Variants in LRPAP1 observed in about 807,000 individuals in gnomAD.
LRPAP1 encodes LDL receptor related protein associated protein 1.
A neutral mutation model predicts 39.9 loss-of-function variants in LRPAP1; 41 were observed. The ratio of observed to expected loss-of-function variants is 1.03; its 90% CI spans 0.80 to 1.33. LRPAP1 has a LOEUF of 1.33. Ranked by LOEUF, LRPAP1 falls within the 40% of genes most tolerant of loss-of-function variation. The pLI is 0.00. For missense variants in LRPAP1, 565 were observed against 482.3 expected, an observed-to-expected ratio of 1.17 and a Z score of -1.61; for synonymous variants, 263 against 212.7, an observed-to-expected ratio of 1.24 and a Z score of -2.06.
chr4:3,514,930 T>C lies in LRPAP1; in HGVS notation c.835-2A>G, dbSNP rs112570687. On this transcript the variant is annotated splice_acceptor_variant, in intron 6 of 7. Transcript: ENST00000650182. LOFTEE classifies it high-confidence loss of function. ...GGCTTCGAAGTGCTTGAGCTCCTCC[T>C]GGAACAAGGTTTCCATAGGTGAGTG... 1 of 1,613,368 alleles carries C rather than the reference T, an allele frequency of 6.2e-7. No individual in the cohort carries two copies. Among genetic ancestry groups the C allele is most frequent in the Non-Finnish European group, 8.5e-7 (1 of 1,179,652 alleles).
At chr4:3,527,395 C>A (rs528187324) in intron 1 of LRPAP1, among the ~76,000 whole-genome samples, 6 of 152,346 alleles carry the variant, frequency 3.9e-5, no homozygotes, top group African/African-American at 9.6e-5. Context: ...CTGAGTGACG[C>A]TGAACTCTCA....
intron 2 of LRPAP1, 66 bp from the exon 3 acceptor site, chr4:3,520,259 C>G: frequency 5.8e-6 from 9 of 1,564,720 alleles, no homozygotes; most frequent in Non-Finnish European, 6.1e-6. Context: ...GCCAACACAT[C>G]TGGGTTGCCA....
intron 6 of LRPAP1, among the ~76,000 whole-genome samples, chr4:3,515,706 G>A (rs1456237654): frequency 2.0e-5 from 3 of 152,120 alleles, no homozygotes; most frequent in Non-Finnish European, 4.4e-5. Flanking sequence ...CGCCCCAGGA[G>A]CCCCTGCCAC....
intron 3 of LRPAP1, 150 bp downstream of exon 3, chr4:3,519,922 G>A (rs1729853029): frequency 2.5e-6 from 2 of 806,618 alleles, no homozygotes; most frequent in Admixed American, 2.8e-5. Context: ...GAATGACAGT[G>A]GAATGGCTTC....
chr4:3,520,641 A>G (rs969759304), intron 2 of LRPAP1, among the ~76,000 whole-genome samples: 1 of 152,264 alleles, frequency 6.6e-6, no homozygotes, highest in Non-Finnish European at 1.5e-5. Flanking sequence ...TAAGGACCAC[A>G]GGACAGAGGC....
At chr4:3,515,329 C>A (rs1277103065) in intron 6 of LRPAP1, among the ~76,000 whole-genome samples, 2 of 152,302 alleles carry the variant, frequency 1.3e-5, no homozygotes, top group Admixed American at 1.3e-4. Flanking sequence ...AGGTGCCCTG[C>A]CCTGCCTTGA....
intron 2 of LRPAP1, among the ~76,000 whole-genome samples, chr4:3,522,952 C>T (rs1334563551): frequency 3.3e-5 from 5 of 152,094 alleles, no homozygotes; most frequent in Non-Finnish European, 5.9e-5. Flanking sequence ...CGGGGGACCT[C>T]GGGGGTCCAG....
chr4:3,511,655 G>A lies in LRPAP1; in HGVS notation c.*1319C>T, dbSNP rs1167887524. The A allele has an allele frequency of 2.6e-5, 4 of 152,308 alleles. No homozygotes were observed. The highest frequency in any genetic ancestry group is 4.4e-5 in the Non-Finnish European group (3 of 68,088). The allele number at this position is 152,308 out of a possible 1,614,324, so 9.4% of individuals were successfully genotyped here. ...AGCGGATGTTTGGCAGATCTCAACAGTCAAGCCAAGATCCAGCTGCAGTCA... is the reference window on the plus strand; with the variant it reads ...AGCGGATGTTTGGCAGATCTCAACAATCAAGCCAAGATCCAGCTGCAGTCA... On this transcript the variant is annotated 3_prime_UTR_variant, in exon 8 of 8. Transcript: ENST00000650182.
At chr4:3,532,183 C>G in intron 1 of LRPAP1, 26 bp downstream of exon 1, 2 of 1,189,644 alleles carry the variant, frequency 1.7e-6, no homozygotes, top group Non-Finnish European at 2.3e-6. Context: ...CCAGGCCCCG[C>G]TCCACCGACC....
At position 3,516,156 on chromosome 4, in the gene LRPAP1, T is replaced by C. The variant is rs1260056297; in HGVS notation, c.794A>G (p.Gln265Arg). 4 of 1,583,006 alleles carry C rather than the reference T, an allele frequency of 2.5e-6. No individual in the cohort carries two copies. Among genetic ancestry groups the C allele is most frequent in the Admixed American group, 1.8e-5 (1 of 54,748 alleles). Residue 265 changes from glutamine to arginine, a missense_variant, in exon 6 of 8, where the codon CAG becomes CGG. Gln to Arg is a conservative substitution (Grantham distance 43, BLOSUM62 1). Coordinates refer to ENST00000650182, the MANE Select transcript of LRPAP1 (RefSeq NM_002337.4). ...CTCCTTGTCCGTGAGGTTGGCGGAC[T>C]GCGCCAGGTCCCACAGGTCAATCAC... ...PRVIDLWDLA[Q>R]SANLTDKELE...
intron 7 of LRPAP1, among the ~76,000 whole-genome samples, chr4:3,514,486 C>A (rs1322867859): frequency 6.6e-6 from 1 of 152,228 alleles, no homozygotes; most frequent in African/African-American, 2.4e-5. Flanking sequence ...ATCCTGGTCA[C>A]AGGAGGACGA....
At chr4:3,523,183 C>T (rs926021645) in intron 2 of LRPAP1, among the ~76,000 whole-genome samples, 12 of 152,200 alleles carry the variant, frequency 7.9e-5, no homozygotes, top group African/African-American at 2.7e-4. Flanking sequence ...TCTTAGCCCA[C>T]TTCTGTGCCC....
Position 3,505,327 on chromosome 4 carries a change from C to G in LRPAP1, c.*7647G>C, listed in dbSNP as rs1729320706. Among the ~76,000 whole-genome samples the G allele has an allele frequency of 2.0e-5, 3 of 152,242 alleles. No homozygotes were observed. The South Asian group carries it at 6.2e-4, about 31-fold the overall frequency. ...CCAATGCAGGGTGACCCCTTCCCCC[C>G]AGCTCCAAATCCAGCATCCCTCCCC... On this transcript the variant is annotated 3_prime_UTR_variant, in exon 8 of 8. Coordinates refer to ENST00000650182, the MANE Select transcript of LRPAP1 (RefSeq NM_002337.4).
At chr4:3,527,813 C>T (rs1340299002) in intron 1 of LRPAP1, among the ~76,000 whole-genome samples, 2 of 152,208 alleles carry the variant, frequency 1.3e-5, no homozygotes, top group African/African-American at 4.8e-5. Context: ...AGGCACCAAC[C>T]CCTGTAACTT....
Position 3,507,454 on chromosome 4 carries a change from G to A in LRPAP1, c.*5520C>T, listed in dbSNP as rs1226012469. Reference sequence around the variant, plus strand: ...GCACTCTGGCCAAAGAATGTGATTTGTATTATTTACCTACATATCATATAT... The same window carrying A: ...GCACTCTGGCCAAAGAATGTGATTTATATTATTTACCTACATATCATATAT... On this transcript the variant is annotated 3_prime_UTR_variant, in exon 8 of 8. Coordinates refer to ENST00000650182, the MANE Select transcript of LRPAP1 (RefSeq NM_002337.4). 2 of 146,116 alleles carry A rather than the reference G, an allele frequency of 1.4e-5. No individual in the cohort carries two copies. Among genetic ancestry groups the A allele is most frequent in the African/African-American group, 5.1e-5 (2 of 39,498 alleles). 9.1% of individuals were successfully genotyped at this position (146,116 alleles called of 1,614,324 possible).
At chr4:3,527,305 C>A (rs568293240) in intron 1 of LRPAP1, among the ~76,000 whole-genome samples, 1 of 152,108 alleles carries the variant, frequency 6.6e-6, no homozygotes, top group Non-Finnish European at 1.5e-5. Flanking sequence ...CACTTGCCTG[C>A]GGCGTCCACT....
chr4:3,516,815 G>A lies in LRPAP1; in HGVS notation c.752-617C>T, dbSNP rs144527953. ...CAGAGCCGCCTGCCCATGGAGCCCC[G>A]CAACAGTGGCCCCTGCTCCCTCCTC... On this transcript the variant is annotated intron_variant, in intron 5 of 7. Transcript: ENST00000650182. Among the ~76,000 whole-genome samples, 66 of 152,294 alleles carry A rather than the reference G, an allele frequency of 4.3e-4. No individual in the cohort carries two copies. The East Asian group carries it at 0.011, about 26-fold the overall frequency.
chr4:3,525,258 C>A, intron 1 of LRPAP1: 1 of 576,390 alleles, frequency 1.7e-6, no homozygotes, highest in Non-Finnish European at 3.1e-6. Context: ...TCTGTATACA[C>A]GATCCGGAAA....
At chr4:3,517,967 T>C (rs111554687) in intron 5 of LRPAP1, 67 bp downstream of exon 5, 3 of 1,525,556 alleles carry the variant, frequency 2.0e-6, no homozygotes, top group Non-Finnish European at 2.6e-6. Flanking sequence ...ACCTGCCTGC[T>C]TGTCCCCAAA....
Sources: allele counts gnomAD v4.1 joint callset (sites outside exome capture counted in the v4.1 genomes callset), GRCh38; gene constraint gnomAD v4.1.1; transcripts MANE v1.5; gene names NCBI Gene and HGNC (gene_info 2026-07-23, HGNC 2026-07-21).